Variants in DROSHA observed in about 807,000 individuals in gnomAD.
DROSHA encodes ribonuclease 3.
In DROSHA, 56 loss-of-function variants were observed where a neutral mutation model predicts 181.9. The ratio of observed to expected loss-of-function variants is 0.31; its 90% CI spans 0.25 to 0.38. The LOEUF is 0.38. Among genes scored for constraint, DROSHA ranks in the 10% least tolerant of loss-of-function variants. The pLI, the probability that DROSHA is intolerant of heterozygous loss-of-function variation, is 1.00. For missense variants in DROSHA, 1,218 were observed against 1,743.5 expected (o/e 0.70, Z 5.37); for synonymous variants, 524 against 591.2 (o/e 0.89, Z 1.65).
chr5:31,511,788 A>T (rs902811558), intron 8 of DROSHA, among the ~76,000 whole-genome samples: 2 of 152,100 alleles, frequency 1.3e-5, no homozygotes, highest in African/African-American at 4.8e-5. Flanking sequence ...CCCTCAGAGA[A>T]TCATGACAAC....
chr5:31,445,879 T>C (rs1041137887), intron 23 of DROSHA, among the ~76,000 whole-genome samples: 3 of 152,200 alleles, frequency 2.0e-5, no homozygotes, highest in African/African-American at 7.2e-5. Flanking sequence ...GACAAAGATC[T>C]GCTCTCAATA....
At position 31,462,833 on chromosome 5, in the gene DROSHA, TGA is replaced by T. The variant is rs547397295; in HGVS notation, c.2574+1401_2574+1402del. Among the ~76,000 whole-genome samples the T allele has an allele frequency of 5.5e-3, 840 of 151,952 alleles. 11 individuals are homozygous for T. Among genetic ancestry groups the T allele is most frequent in the African/African-American group, 0.019 (786 of 41,430 alleles). ...ATAATGGCTCTAGAAGGGTTTTGTA[TGA>T]AAAAAAAATACTTTGAAGTTAACCA... On this transcript the variant is annotated intron_variant, in intron 20 of 35. Transcript: ENST00000344624.
chr5:31,413,482 T>C (rs1054024648), intron 30 of DROSHA, among the ~76,000 whole-genome samples: 5 of 152,238 alleles, frequency 3.3e-5, no homozygotes, highest in African/African-American at 1.2e-4. Context: ...TAATGAATCA[T>C]GTTATTTGCC....
intron 20 of DROSHA, among the ~76,000 whole-genome samples, chr5:31,454,939 CAAAAAAAAA>C (rs11340436): frequency 2.7e-5 from 2 of 74,322 alleles, no homozygotes; most frequent in African/African-American, 9.2e-5. Flanking sequence ...GACTCTGTCT[CAAAAAAAAA>C]AAAAAAAAAA....
intron 23 of DROSHA, among the ~76,000 whole-genome samples, chr5:31,443,999 C>T (rs1350071897): frequency 6.6e-6 from 1 of 152,152 alleles, no homozygotes; most frequent in Non-Finnish European, 1.5e-5. Context: ...CCCCATAACA[C>T]AATTATGGGT....
At chr5:31,475,578 G>C (rs1750269721) in intron 16 of DROSHA, among the ~76,000 whole-genome samples, 2 of 152,156 alleles carry the variant, frequency 1.3e-5, no homozygotes. Context: ...GAAACCTAGA[G>C]AACCTTGGAA....
At chr5:31,457,963 T>G (rs1308010582) in intron 20 of DROSHA, among the ~76,000 whole-genome samples, 1 of 152,118 alleles carries the variant, frequency 6.6e-6, no homozygotes, top group Non-Finnish European at 1.5e-5. Context: ...ATTCTGTGTA[T>G]CCAGTTTGTG....
chr5:31,489,419 A>T (rs1752132365), intron 13 of DROSHA, among the ~76,000 whole-genome samples: 1 of 152,110 alleles, frequency 6.6e-6, no homozygotes, highest in Non-Finnish European at 1.5e-5. Flanking sequence ...CATCCATACC[A>T]CCAGAGCCCT....
intron 9 of DROSHA, among the ~76,000 whole-genome samples, chr5:31,509,580 G>C (rs1291994335): frequency 6.6e-6 from 1 of 152,190 alleles, no homozygotes; most frequent in Non-Finnish European, 1.5e-5. Flanking sequence ...GAACACAGTG[G>C]ACTAGCTAGA....
intron 9 of DROSHA, among the ~76,000 whole-genome samples, chr5:31,510,190 A>C (rs961850345): frequency 6.6e-6 from 1 of 152,194 alleles, no homozygotes. Context: ...ATGAAATCCA[A>C]CATGGAGTTG....
rs912871484 is a variant in DROSHA, at chr5:31,464,422, A to T, written c.2467-79T>A. The stretch of plus-strand genomic sequence containing the variant: ...GCCAAACATCAAGCATTAGAAAATA[A>T]GTTGGATTCATTTAATATTACCCCT... On this transcript the variant is annotated intron_variant, in intron 19 of 35. Transcript: ENST00000344624. 9 of 1,296,126 alleles carry T rather than the reference A, an allele frequency of 6.9e-6. No individual in the cohort carries two copies. In the African/African-American group the frequency reaches 1.2e-4, roughly 17 times the overall value. 80.3% of individuals were successfully genotyped at this position (1,296,126 alleles called of 1,614,324 possible). A position where few individuals can be genotyped will look rare whatever the true frequency, so the allele number is the denominator to read the frequency against.
In DROSHA at chr5:31,521,217, T is replaced by TTAAAGGAA. The variant is rs1347050134; in HGVS notation, c.855-10_855-3dup. The stretch of plus-strand genomic sequence containing the variant: ...CTGTGTCTCTCCCGTTCTCGCTCTC[T>TTAAAGGAA]TAAAGGAATTAATACACAGAGCTGT... On this transcript the variant is annotated splice_region_variant and splice_polypyrimidine_tract_variant and intron_variant, in intron 5 of 35. Coordinates refer to ENST00000344624, the MANE Select transcript of DROSHA (RefSeq NM_001382508.1). 2 of 1,613,466 alleles carry TTAAAGGAA rather than the reference T, an allele frequency of 1.2e-6. No individual in the cohort carries two copies. Among genetic ancestry groups the TTAAAGGAA allele is most frequent in the African/African-American group, 2.7e-5 (2 of 74,892 alleles).
intron 16 of DROSHA, among the ~76,000 whole-genome samples, chr5:31,482,786 A>G (rs1751182766): frequency 1.3e-5 from 2 of 152,056 alleles, no homozygotes; most frequent in Non-Finnish European, 2.9e-5. Context: ...GCAAACAAAA[A>G]GGCAACCAAA....
At chr5:31,436,746 AC>A (rs1744860476) in intron 24 of DROSHA, among the ~76,000 whole-genome samples, 1 of 3,390 alleles carries the variant, frequency 2.9e-4, no homozygotes, top group Non-Finnish European at 4.8e-4. Flanking sequence ...AGAGAAACAC[AC>A]ACACACACAC....
chr5:31,432,362 C>T (rs1173617948), intron 25 of DROSHA, among the ~76,000 whole-genome samples: 1 of 152,124 alleles, frequency 6.6e-6, no homozygotes, highest in African/African-American at 2.4e-5. Flanking sequence ...AAACTCCTGA[C>T]CTTAGGTGAT....
At chr5:31,431,822 AG>A in intron 25 of DROSHA, 144 bp from the exon 26 acceptor site, 1 of 694,136 alleles carries the variant, frequency 1.4e-6, no homozygotes, top group Non-Finnish European at 2.4e-6. Flanking sequence ...ATTAAGAGAG[AG>A]TTTAGTTTAA....
In DROSHA at chr5:31,409,534, T is replaced by C. The variant is rs1320854421; in HGVS notation, c.3668-202A>G. The C allele has an allele frequency of 5.3e-6, 3 of 564,314 alleles. No homozygotes were observed. Among genetic ancestry groups the C allele is most frequent in the Non-Finnish European group, 9.6e-6 (3 of 314,012 alleles). The allele number at this position is 564,314 out of a possible 1,614,324, so 35.0% of individuals were successfully genotyped here. On this transcript the variant is annotated intron_variant, in intron 31 of 35. Coordinates refer to ENST00000344624, the MANE Select transcript of DROSHA (RefSeq NM_001382508.1). This position sits in a 1 kb window ranked among gnomAD's most constrained non-coding sequence, Gnocchi z 4.0. ...CAAGAGATGTGTAAGATGCAAATCA[T>C]AGAGTACAAACACCAAACTGCATTT...
intron 16 of DROSHA, among the ~76,000 whole-genome samples, chr5:31,472,930 T>C (rs1260458921): frequency 6.6e-6 from 1 of 152,246 alleles, no homozygotes; most frequent in African/African-American, 2.4e-5. Flanking sequence ...AATCTAGTAT[T>C]TGATGAACTA....
chr5:31,411,228 TAAGG>T lies in DROSHA; in HGVS notation c.3526-345_3526-342del, dbSNP rs1444325052. 6.6e-6 allele frequency among the ~76,000 whole-genome samples: 1 copy of T among 152,166 alleles called. No individual in the cohort carries two copies. Among genetic ancestry groups the T allele is most frequent in the African/African-American group, 2.4e-5 (1 of 41,434 alleles). On this transcript the variant is annotated intron_variant, in intron 30 of 35. Coordinates refer to ENST00000344624, the MANE Select transcript of DROSHA (RefSeq NM_001382508.1). The surrounding 1 kb of genome is among the most constrained non-coding windows in gnomAD (Gnocchi z 4.2). The stretch of plus-strand genomic sequence containing the variant: ...TTCTAATAAGTTTAATGCTACAAAA[TAAGG>T]AAGCATTAAGAGTGTTAAAATCAAT...
Sources: gnomAD v4.1 joint callset for allele counts (sites outside exome capture counted in the v4.1 genomes callset) on GRCh38, gnomAD v4.1.1 for gene constraint, Gnocchi (gnomAD v3.1) non-coding constraint, MANE v1.5 for transcripts, NCBI Gene and HGNC (gene_info 2026-07-23, HGNC 2026-07-21) for gene names.